ITGA1: variants seen among roughly 807,000 people sequenced by gnomAD.
ITGA1 encodes integrin subunit alpha 1.
Under a neutral mutation model 145.9 loss-of-function variants are expected in ITGA1, and 85 were observed. The observed-to-expected ratio is 0.58, with a 90% CI of 0.49 to 0.70. The LOEUF is 0.70. Ranked by LOEUF, ITGA1 falls within the 30% of genes least tolerant of loss-of-function variation. The probability of loss-of-function intolerance (pLI) is 0.00; values close to 1 mark genes in which losing one functional copy is unlikely to be tolerated. For synonymous variants in ITGA1, 520 were observed against 495.3 expected (o/e 1.05, Z -0.66); for missense variants, 1,351 against 1,418.7 (o/e 0.95, Z 0.77).
intron 13 of ITGA1, among the ~76,000 whole-genome samples, chr5:52,909,515 T>C (rs1750465197): frequency 6.6e-6 from 1 of 152,210 alleles, no homozygotes; most frequent in Non-Finnish European, 1.5e-5. Flanking sequence ...GACATCATTT[T>C]TTAAGTTAAA....
intron 17 of ITGA1, among the ~76,000 whole-genome samples, chr5:52,921,812 G>T (rs1198262730): frequency 6.6e-6 from 1 of 152,128 alleles, no homozygotes; most frequent in Non-Finnish European, 1.5e-5. Flanking sequence ...TGGCAACGTC[G>T]TTTGGTCTCT....
At chr5:52,856,628 G>T (rs182677038) in intron 2 of ITGA1, among the ~76,000 whole-genome samples, 233 of 151,620 alleles carry the variant, frequency 1.5e-3, no homozygotes, top group Admixed American at 2.9e-3. Flanking sequence ...TACCTCCTCT[G>T]TAAATCTCAC....
At chr5:52,903,357 C>A (rs906185333) in intron 11 of ITGA1, 2 of 152,028 alleles carry the variant, frequency 1.3e-5, no homozygotes, top group African/African-American at 4.8e-5. Flanking sequence ...ATAAACATGG[C>A]CTGAAAGATT....
intron 1 of ITGA1, among the ~76,000 whole-genome samples, chr5:52,790,610 C>T (rs1457801104): frequency 6.6e-6 from 1 of 152,206 alleles, no homozygotes; most frequent in Admixed American, 6.5e-5. Flanking sequence ...TTCAGATCTT[C>T]CCCCATGACT....
chr5:52,801,720 C>G, intron 1 of ITGA1: 1 of 1,614,106 alleles, frequency 6.2e-7, no homozygotes, highest in South Asian at 1.1e-5. Context: ...TTAGGATATT[C>G]TCTAGTCTTC....
intron 17 of ITGA1, among the ~76,000 whole-genome samples, 180 bp from the exon 18 acceptor site, chr5:52,922,597 C>G (rs1338977185): frequency 2.0e-5 from 3 of 152,158 alleles, no homozygotes; most frequent in Non-Finnish European, 4.4e-5. Flanking sequence ...CCCTATGCCC[C>G]TTGTCAGAAT....
At chr5:52,882,790 T>C (rs1473609021) in intron 7 of ITGA1, 1 of 152,172 alleles carries the variant, frequency 6.6e-6, no homozygotes, top group East Asian at 1.9e-4. Context: ...TTCAAAACAA[T>C]ACAAAAATCA....
In ITGA1 at chr5:52,910,223, A is replaced by G; in HGVS notation, c.1661A>G (p.Gln554Arg). Residue 554 changes from glutamine (Q) to arginine (R), a missense_variant, in exon 14 of 29, where the codon CAG (glutamine) becomes CGG (arginine). Gln to Arg is a conservative substitution (Grantham distance 43). Transcript: ENST00000282588. The part of the protein sequence containing the change: ...PIKQTCCSSR[Q>R]HNSCTTENKN... ...AAGCAGACGTGCTGTTCATCTCGGCAGCACAATTCATGCACAACAGAAAAC... is the reference window on the plus strand; with the variant it reads ...AAGCAGACGTGCTGTTCATCTCGGCGGCACAATTCATGCACAACAGAAAAC... 1 of 1,614,026 alleles carries G rather than the reference A, an allele frequency of 6.2e-7. No homozygotes were observed. The highest frequency in any genetic ancestry group is 8.5e-7 in the Non-Finnish European group (1 of 1,179,916).
Position 52,950,325 on chromosome 5 carries a change from A to G in ITGA1, c.3496-2082A>G, listed in dbSNP as rs543501732. Reference sequence around the variant, plus strand: ...CCTAAAGCTTTATTCTTCATCCAATATACATGTTCTGGGTGGGTGTGGATG... The same window carrying G: ...CCTAAAGCTTTATTCTTCATCCAATGTACATGTTCTGGGTGGGTGTGGATG... On this transcript the variant is annotated intron_variant, in intron 28 of 28. Transcript: ENST00000282588. Among the ~76,000 whole-genome samples the G allele has an allele frequency of 5.3e-5, 8 of 152,306 alleles. No homozygotes were observed. The East Asian group carries it at 1.5e-3, about 29-fold the overall frequency.
At chr5:52,950,816 GAA>G (rs1751207316) in intron 28 of ITGA1, among the ~76,000 whole-genome samples, 1 of 152,146 alleles carries the variant, frequency 6.6e-6, no homozygotes, top group Non-Finnish European at 1.5e-5. Flanking sequence ...GTGGGAAGGA[GAA>G]AAAGTCTTAG....
At chr5:52,830,491 T>TA (rs969798440) in intron 1 of ITGA1, among the ~76,000 whole-genome samples, 137 of 152,254 alleles carry the variant, frequency 9.0e-4, no homozygotes, top group African/African-American at 3.1e-3. Context: ...ACAGGTTTTT[T>TA]AAAAAAAATA....
intron 6 of ITGA1, among the ~76,000 whole-genome samples, chr5:52,866,162 G>A (rs1016939584): frequency 8.5e-5 from 13 of 152,210 alleles, no homozygotes; most frequent in Non-Finnish European, 8.8e-5. Context: ...TTACAGGCAT[G>A]CGCCATCACA....
At chr5:52,799,435 G>A (rs1238101632) in intron 1 of ITGA1, among the ~76,000 whole-genome samples, 1 of 152,188 alleles carries the variant, frequency 6.6e-6, no homozygotes, top group Non-Finnish European at 1.5e-5. Flanking sequence ...CTGGGCTGCG[G>A]AAAGCTGAGG....
chr5:52,865,211 A>T lies in ITGA1; in HGVS notation c.496+129A>T, dbSNP rs895533699. On this transcript the variant is annotated intron_variant, in intron 5 of 28. Coordinates refer to ENST00000282588, the MANE Select transcript of ITGA1 (RefSeq NM_181501.2). ...GCTACCAGCATTACCAATTTAGGTA[A>T]ATGTTTGCTTTGCCAGTATATAACA... The T allele has an allele frequency of 7.7e-6, 5 of 648,270 alleles. No individual in the cohort carries two copies. In the Admixed American group the frequency reaches 1.7e-4, roughly 22 times the overall value. 40.2% of individuals were successfully genotyped at this position (648,270 alleles called of 1,614,324 possible).
intron 6 of ITGA1, among the ~76,000 whole-genome samples, chr5:52,878,374 G>T (rs1049984424): frequency 2.0e-5 from 3 of 152,202 alleles, no homozygotes; most frequent in African/African-American, 7.2e-5. Context: ...GGATGATAGA[G>T]ATGTAAAATT....
Position 52,910,280 on chromosome 5 carries a change from C to T in ITGA1, c.1718C>T (p.Thr573Ile). 6.2e-7 allele frequency: 1 copy of T among 1,613,982 alleles called. No individual in the cohort carries two copies. Among genetic ancestry groups the T allele is most frequent in the Non-Finnish European group, 8.5e-7 (1 of 1,179,946 alleles). ...KNEPCGARFG[T>I]AIAAVKDLNL... Reference sequence around the variant, plus strand: ...GAGCCATGCGGGGCTCGTTTTGGAACTGCAATTGCTGCTGTAAAAGACCTC... The same window carrying T: ...GAGCCATGCGGGGCTCGTTTTGGAATTGCAATTGCTGCTGTAAAAGACCTC... The change falls in exon 14 of 29, where the codon ACT (threonine) becomes ATT (isoleucine). Residue 573 changes from threonine to isoleucine, a missense_variant. Transcript: ENST00000282588.
chr5:52,914,463 C>G (rs1181327356), intron 14 of ITGA1, among the ~76,000 whole-genome samples: 1 of 151,952 alleles, frequency 6.6e-6, no homozygotes, highest in African/African-American at 2.4e-5. Flanking sequence ...GGTGAAACCC[C>G]GTCTCTACTA....
At chr5:52,854,456 T>C (rs1279712194) in intron 2 of ITGA1, among the ~76,000 whole-genome samples, 1 of 152,146 alleles carries the variant, frequency 6.6e-6, no homozygotes, top group Non-Finnish European at 1.5e-5. Context: ...CCCCTCCACC[T>C]TTTATGAGCA....
At chr5:52,930,552 T>C (rs1480831506) in intron 21 of ITGA1, among the ~76,000 whole-genome samples, 1 of 152,062 alleles carries the variant, frequency 6.6e-6, no homozygotes, top group Admixed American at 6.6e-5. Flanking sequence ...CACTCCATTA[T>C]AGAGATAGAA....
Sources: allele counts gnomAD v4.1 joint callset (sites outside exome capture counted in the v4.1 genomes callset), GRCh38; gene constraint gnomAD v4.1.1; transcripts MANE v1.5; gene names NCBI Gene and HGNC (gene_info 2026-07-23, HGNC 2026-07-21).